DUSP16: variants seen among roughly 807,000 people sequenced by gnomAD.
DUSP16 encodes dual specificity protein phosphatase 16.
Under a neutral mutation model 58.3 loss-of-function variants are expected in DUSP16, and 21 were observed. The ratio of observed to expected loss-of-function variants is 0.36; its 90% CI spans 0.26 to 0.52. The LOEUF (loss-of-function observed/expected upper bound fraction) is 0.52, where lower values mean the gene tolerates loss of function less well. Ranked by LOEUF, DUSP16 falls within the 20% of genes least tolerant of loss-of-function variation. DUSP16 has a pLI of 0.94. For synonymous variants in DUSP16, 320 were observed against 323.8 expected (o/e 0.99, Z 0.12); for missense variants, 726 against 819.0 (o/e 0.89, Z 1.39).
chr12:12,545,339 A>C (rs755819790), intron 1 of DUSP16, among the ~76,000 whole-genome samples: 9 of 152,210 alleles, frequency 5.9e-5, no homozygotes, highest in Middle Eastern at 3.4e-3. Context: ...AGCTCACTGA[A>C]AACCTCTGCC....
At chr12:12,510,762 T>C (rs956612751) in intron 3 of DUSP16, among the ~76,000 whole-genome samples, 1 of 152,204 alleles carries the variant, frequency 6.6e-6, no homozygotes, top group African/African-American at 2.4e-5. Flanking sequence ...AAACCAACTT[T>C]GCCTGGTAGC....
intron 1 of DUSP16, chr12:12,554,517 AT>A (rs1224912278): frequency 6.6e-6 from 1 of 152,222 alleles, no homozygotes; most frequent in Admixed American, 6.5e-5. Context: ...TGTAAAAAAA[AT>A]AACAAACTCC....
chr12:12,557,801 C>T (rs970331198), intron 1 of DUSP16, among the ~76,000 whole-genome samples: 14 of 152,174 alleles, frequency 9.2e-5, no homozygotes, highest in Middle Eastern at 3.2e-3. Context: ...ATATAAGTTA[C>T]GTAAGGGCAA....
intron 1 of DUSP16, among the ~76,000 whole-genome samples, chr12:12,531,532 G>A (rs538963854): frequency 9.7e-4 from 147 of 152,180 alleles, no homozygotes; most frequent in African/African-American, 3.4e-3. Context: ...AATATGGAAC[G>A]TAGTAAAATA....
At chr12:12,499,975 C>T (rs960308413) in intron 4 of DUSP16, among the ~76,000 whole-genome samples, 1 of 151,910 alleles carries the variant, frequency 6.6e-6, no homozygotes, top group Non-Finnish European at 1.5e-5. Flanking sequence ...GCTCTTCCCT[C>T]TTCCTTCTCA....
chr12:12,525,889 T>A (rs1324017659), intron 1 of DUSP16, among the ~76,000 whole-genome samples: 3 of 151,758 alleles, frequency 2.0e-5, no homozygotes, highest in Admixed American at 6.6e-5. Flanking sequence ...TATGACATAC[T>A]AGTTAGAGAG....
chr12:12,510,787 C>T (rs1216426024), intron 3 of DUSP16, among the ~76,000 whole-genome samples: 1 of 152,162 alleles, frequency 6.6e-6, no homozygotes, highest in African/African-American at 2.4e-5. Flanking sequence ...GAAGGCTTGA[C>T]AACCACATTG....
chr12:12,502,740 G>A (rs528653827), intron 3 of DUSP16, among the ~76,000 whole-genome samples: 4 of 151,980 alleles, frequency 2.6e-5, no homozygotes, highest in South Asian at 4.2e-4. Flanking sequence ...TAGTAGAGAC[G>A]GGGTTTCTCC....
chr12:12,477,990 T>G lies in DUSP16; in HGVS notation c.841A>C (p.Ile281Leu). 1.3e-6 allele frequency: 2 copies of G among 1,588,054 alleles called. No homozygotes were observed. The highest frequency in any genetic ancestry group is 1.7e-6 in the Non-Finnish European group (2 of 1,168,028). ...YRFVKEKRPT[I>L]SPNFNFLGQL... ...CCCAGAAAATTGAAGTTTGGAGATA[T>G]AGTAGGTCTTTTTTCTTTCACAAAT... The change falls in exon 7 of 7, where the codon ATA becomes CTA. Residue 281 changes from isoleucine (I) to leucine (L), a missense_variant. By Grantham distance (5) the Ile-to-Leu change is conservative. Coordinates refer to ENST00000298573, the MANE Select transcript of DUSP16 (RefSeq NM_030640.3). The surrounding 1 kb of genome is among the most constrained non-coding windows in gnomAD (Gnocchi z 4.1).
intron 1 of DUSP16, among the ~76,000 whole-genome samples, chr12:12,548,001 T>C (rs572646859): frequency 1.3e-5 from 2 of 152,256 alleles, no homozygotes; most frequent in African/African-American, 4.8e-5. Context: ...CTTTGGAGTA[T>C]GAAACCCTGA....
chr12:12,548,213 A>C (rs541699823), intron 1 of DUSP16, among the ~76,000 whole-genome samples: 2 of 152,328 alleles, frequency 1.3e-5, no homozygotes, highest in African/African-American at 4.8e-5. Context: ...GACTGGAATA[A>C]ACATTTCTCC....
chr12:12,556,941 T>C (rs1240445942), intron 1 of DUSP16, among the ~76,000 whole-genome samples: 2 of 152,206 alleles, frequency 1.3e-5, no homozygotes, highest in Non-Finnish European at 2.9e-5. Flanking sequence ...TTCTTTTGTA[T>C]GTTCCCATAC....
chr12:12,510,420 G>A (rs915364242), intron 3 of DUSP16, among the ~76,000 whole-genome samples: 1 of 152,166 alleles, frequency 6.6e-6, no homozygotes, highest in Non-Finnish European at 1.5e-5. Flanking sequence ...CATGTGAAGC[G>A]CAAAGCTTTC....
At position 12,531,930 on chromosome 12, in the gene DUSP16, G is replaced by A. The variant is rs567045930; in HGVS notation, c.-365-10467C>T. ...TCCCAGCACTTTGGGAGGCCGAGGCGGGTGGATCATGAGGTCAGGAGATCG... is the reference window on the plus strand; with the variant it reads ...TCCCAGCACTTTGGGAGGCCGAGGCAGGTGGATCATGAGGTCAGGAGATCG... On this transcript the variant is annotated intron_variant, in intron 1 of 6. Coordinates refer to ENST00000298573, the MANE Select transcript of DUSP16 (RefSeq NM_030640.3). Among the ~76,000 whole-genome samples the A allele has an allele frequency of 5.9e-5, 9 of 151,990 alleles. No individual in the cohort carries two copies. The South Asian group carries it at 1.2e-3, about 21-fold the overall frequency.
chr12:12,498,923 A>G (rs976147260), intron 4 of DUSP16, among the ~76,000 whole-genome samples: 6 of 152,154 alleles, frequency 3.9e-5, no homozygotes, highest in Non-Finnish European at 2.9e-5. Flanking sequence ...CGATACATCT[A>G]CCTATGTATC....
chr12:12,502,497 T>TC (rs1943923233), intron 3 of DUSP16, among the ~76,000 whole-genome samples: 1 of 152,066 alleles, frequency 6.6e-6, no homozygotes, highest in Admixed American at 6.5e-5. Context: ...AATCACAAAT[T>TC]CCTTTGTGTC....
chr12:12,525,262 CAT>C (rs1402879466), intron 1 of DUSP16, among the ~76,000 whole-genome samples: 1 of 151,604 alleles, frequency 6.6e-6, no homozygotes, highest in African/African-American at 2.4e-5. Context: ...CTAAATAAAA[CAT>C]GTAGAAATTC....
At chr12:12,495,236 CAAAAAA>C (rs10555943) in intron 4 of DUSP16, among the ~76,000 whole-genome samples, 1 of 98,944 alleles carries the variant, frequency 1.0e-5, no homozygotes, top group South Asian at 3.2e-4. Context: ...AAAGCCATTA[CAAAAAA>C]AAAAAAAAAA....
At chr12:12,528,431 G>A (rs1452729450) in intron 1 of DUSP16, among the ~76,000 whole-genome samples, 3 of 152,196 alleles carry the variant, frequency 2.0e-5, no homozygotes, top group Non-Finnish European at 4.4e-5. Flanking sequence ...GAATTGAGGA[G>A]AAAATGTTTT....
Sources: allele counts gnomAD v4.1 joint callset (sites outside exome capture counted in the v4.1 genomes callset), GRCh38; gene constraint gnomAD v4.1.1; non-coding constraint Gnocchi (gnomAD v3.1); transcripts MANE v1.5; gene names NCBI Gene and HGNC (gene_info 2026-07-23, HGNC 2026-07-21).